Variants in PRDM15 observed in about 807,000 individuals in gnomAD.
PRDM15 encodes the protein PR/SET domain 15, also known as PR domain zinc finger protein 15.
A neutral mutation model predicts 128.6 loss-of-function variants in PRDM15; 64 were observed. That is an observed-to-expected ratio of 0.50 (90% CI 0.41 to 0.61). PRDM15 has a LOEUF of 0.61. Among genes scored for constraint, PRDM15 ranks in the 20% least tolerant of loss-of-function variants. PRDM15 has a pLI of 0.00. For missense variants in PRDM15, 1,242 were observed against 1,569.1 expected, an observed-to-expected ratio of 0.79 and a Z score of 3.52; for synonymous variants, 615 against 621.8, an observed-to-expected ratio of 0.99 and a Z score of 0.16.
chr21:41,877,352 T>G (rs939899675), intron 1 of PRDM15: 1 of 152,402 alleles, frequency 6.6e-6, no homozygotes, highest in Non-Finnish European at 1.5e-5. Context: ...CAGCCCTCTC[T>G]CCATTCACTA....
chr21:41,810,823 G>T lies in PRDM15; in HGVS notation c.2406C>A (p.Phe802Leu). ...ATGTCTTCCCACACAATTCACACATGAAATCTTTAATCCCTGCAGAGAAAG... is the reference window on the plus strand; with the variant it reads ...ATGTCTTCCCACACAATTCACACATTAAATCTTTAATCCCTGCAGAGAAAG... The part of the protein sequence containing the change: ...HCKRHTGIKD[F>L]MCELCGKTFS... Residue 802 changes from phenylalanine to leucine, a missense_variant, in exon 20 of 24, where the codon TTC (phenylalanine) becomes TTA (leucine). Around this residue, in one of 3 missense-constraint regions of PRDM15, gnomAD observed 602 missense variants for 788.3 expected, o/e 0.76. Transcript: ENST00000398548. The surrounding 1 kb of genome is among the most constrained non-coding windows in gnomAD (Gnocchi z 6.4). 6.2e-7 allele frequency: 1 copy of T among 1,614,084 alleles called. No homozygotes were observed. Among genetic ancestry groups the T allele is most frequent in the Non-Finnish European group, 8.5e-7 (1 of 1,179,988 alleles).
intron 4 of PRDM15, among the ~76,000 whole-genome samples, chr21:41,856,905 G>A (rs1335235933): frequency 1.3e-5 from 2 of 152,206 alleles, no homozygotes; most frequent in Non-Finnish European, 2.9e-5. Flanking sequence ...AAGACAGCTG[G>A]AGTCAGCATT....
chr21:41,828,089 G>A lies in PRDM15; in HGVS notation c.1534+77C>T. ...CGAACTGCTCCCCAAAGGCCCTGCT[G>A]ACTGCTCCATGCCGCCCTGCCCCAC... On this transcript the variant is annotated intron_variant, in intron 12 of 23. Coordinates refer to ENST00000398548, the MANE Select transcript of PRDM15 (RefSeq NM_001040424.3). The surrounding 1 kb of genome is among the most constrained non-coding windows in gnomAD (Gnocchi z 5.7). 1 of 1,521,720 alleles carries A rather than the reference G, an allele frequency of 6.6e-7. No homozygotes were observed. The highest frequency in any genetic ancestry group is 1.1e-5 in the South Asian group (1 of 88,818). The allele number at this position is 1,521,720 out of a possible 1,614,324, so 94.3% of individuals were successfully genotyped here. A position where few individuals can be genotyped will look rare whatever the true frequency, so the allele number is the denominator to read the frequency against.
In PRDM15 at chr21:41,828,705, C is replaced by T. The variant is rs189213380; in HGVS notation, c.1367-372G>A. 2.5e-4 allele frequency among the ~76,000 whole-genome samples: 38 copies of T among 152,022 alleles called. 1 individual carries two copies. Among genetic ancestry groups the T allele is most frequent in the Non-Finnish European group, 7.4e-5 (5 of 67,980 alleles). On this transcript the variant is annotated intron_variant, in intron 11 of 23. Transcript: ENST00000398548. This position sits in a 1 kb window ranked among gnomAD's most constrained non-coding sequence, Gnocchi z 5.7. ...TGCACCCTCCACCCAGCATGACTGA[C>T]TGACAGATAGAATGACCTACCTACC...
chr21:41,837,674 T>C (rs2146597989), intron 8 of PRDM15, among the ~76,000 whole-genome samples: 1 of 152,322 alleles, frequency 6.6e-6, no homozygotes, highest in East Asian at 1.9e-4. Flanking sequence ...TTAAACATGG[T>C]TAAAATGGTT....
chr21:41,806,712 CAA>C (rs1984813604), intron 21 of PRDM15, among the ~76,000 whole-genome samples: 1 of 86,748 alleles, frequency 1.2e-5, no homozygotes, highest in Non-Finnish European at 2.4e-5. Context: ...TCACTACCAC[CAA>C]CATCACCACC....
intron 11 of PRDM15, 150 bp downstream of exon 11, chr21:41,835,287 G>A (rs1447271522): frequency 1.5e-6 from 1 of 663,524 alleles, no homozygotes; most frequent in Non-Finnish European, 2.6e-6. Flanking sequence ...CAACTGCTTT[G>A]AAGCAAAATG....
chr21:41,801,754 C>G, intron 23 of PRDM15, 32 bp from the exon 24 acceptor site: 1 of 1,589,438 alleles, frequency 6.3e-7, no homozygotes, highest in Non-Finnish European at 8.6e-7. Context: ...AAAATCCGTT[C>G]ATTTTTGCAA....
chr21:41,836,807 A>G, intron 8 of PRDM15, 158 bp from the exon 9 acceptor site: 1 of 579,684 alleles, frequency 1.7e-6, no homozygotes, highest in Middle Eastern at 3.7e-4. Context: ...CCCAGCTTCC[A>G]GGGCATCTGA....
chr21:41,852,439 GC>G (rs2063459210), intron 5 of PRDM15, among the ~76,000 whole-genome samples: 1 of 152,240 alleles, frequency 6.6e-6, no homozygotes, highest in African/African-American at 2.4e-5. Flanking sequence ...CTTGGAAACG[GC>G]CCCTGACCCA....
At chr21:41,841,871 T>C (rs2063083475) in intron 6 of PRDM15, among the ~76,000 whole-genome samples, 1 of 152,238 alleles carries the variant, frequency 6.6e-6, no homozygotes. Flanking sequence ...TCCTCGTAGA[T>C]CTGCCAATTT....
In PRDM15 at chr21:41,801,076, G is replaced by T; in HGVS notation, c.*164C>A. 1 of 1,011,826 alleles carries T rather than the reference G, an allele frequency of 9.9e-7. No homozygotes were observed. The highest frequency in any genetic ancestry group is 1.4e-6 in the Non-Finnish European group (1 of 706,122). 62.7% of individuals were successfully genotyped at this position (1,011,826 alleles called of 1,614,324 possible). A position where few individuals can be genotyped will look rare whatever the true frequency, so the allele number is the denominator to read the frequency against. ...GGTCCCTTCTAGAGTTAAGCTGACA[G>T]ACCGTAATGGTTGCTGGCGGGGGAT... On this transcript the variant is annotated 3_prime_UTR_variant, in exon 24 of 24. Transcript: ENST00000398548.
chr21:41,806,436 C>CCCAT (rs1229254666), intron 21 of PRDM15, among the ~76,000 whole-genome samples: 40 of 33,046 alleles, frequency 1.2e-3, no homozygotes, highest in African/African-American at 2.0e-3. Flanking sequence ...ATCACCACCA[C>CCCAT]CACCATCACC....
At chr21:41,825,261 T>C (rs573852514) in intron 13 of PRDM15, among the ~76,000 whole-genome samples, 8 of 152,342 alleles carry the variant, frequency 5.3e-5, no homozygotes, top group African/African-American at 1.9e-4. Flanking sequence ...CTTGGGGCCA[T>C]GGCAGCCTGA....
intron 19 of PRDM15, chr21:41,814,048 G>A (rs1170919116): frequency 2.7e-5 from 4 of 148,720 alleles, no homozygotes; most frequent in East Asian, 2.0e-4. Context: ...TAGTGATTGC[G>A]CAGGGTGCTC....
chr21:41,853,823 G>C (rs1358194849), intron 5 of PRDM15, among the ~76,000 whole-genome samples: 1 of 152,182 alleles, frequency 6.6e-6, no homozygotes, highest in Non-Finnish European at 1.5e-5. Context: ...AATCTGGGAG[G>C]AGGCCATTGC....
chr21:41,823,104 A>C, intron 14 of PRDM15: 1 of 601,368 alleles, frequency 1.7e-6, no homozygotes, highest in Non-Finnish European at 3.1e-6. Flanking sequence ...ATGTGAGGAC[A>C]CAGTGAGAAG....
chr21:41,850,025 T>C (rs8130834), intron 5 of PRDM15, among the ~76,000 whole-genome samples: 111,892 of 152,206 alleles, frequency 0.74, 41,386 homozygotes, highest in Admixed American at 0.78. Flanking sequence ...ATGCTATATG[T>C]GACTGAACAG....
At chr21:41,878,943 A>C in intron 1 of PRDM15, 1 of 940,754 alleles carries the variant, frequency 1.1e-6, no homozygotes, top group Non-Finnish European at 1.3e-6. Context: ...GGGGGGCGCG[A>C]GGCAGGGGAC....
Sources: gnomAD v4.1 joint callset for allele counts (sites outside exome capture counted in the v4.1 genomes callset) on GRCh38, gnomAD v4.1.1 for gene constraint, gnomAD v4.1.1 regional missense constraint, Gnocchi (gnomAD v3.1) non-coding constraint, MANE v1.5 for transcripts, NCBI Gene and HGNC (gene_info 2026-07-23, HGNC 2026-07-21) for gene names.